Variants in SSUH2 observed in about 807,000 individuals in gnomAD.
The protein encoded by SSUH2 is ssu-2 homolog.
In SSUH2, 47 loss-of-function variants were observed where a neutral mutation model predicts 55.3. The ratio of observed to expected loss-of-function variants is 0.85; its 90% CI spans 0.67 to 1.08. SSUH2 has a LOEUF of 1.08. Ranked by LOEUF, SSUH2 falls within the 50% of genes least tolerant of loss-of-function variation. The pLI is 0.00. For missense variants in SSUH2, 535 were observed against 490.7 expected (o/e 1.09, Z -0.85); for synonymous variants, 212 against 191.5 (o/e 1.11, Z -0.89).
At chr3:8,622,515 C>T (rs1442714741) in intron 11 of SSUH2, among the ~76,000 whole-genome samples, 1 of 152,174 alleles carries the variant, frequency 6.6e-6, no homozygotes, top group African/African-American at 2.4e-5. Flanking sequence ...TCTGGAAACA[C>T]TGGGTCTTGT....
At chr3:8,679,403 C>G (rs1039682104) in intron 2 of SSUH2, among the ~76,000 whole-genome samples, 1 of 128,184 alleles carries the variant, frequency 7.8e-6, no homozygotes, top group African/African-American at 2.7e-5. Context: ...GACTGAGAGC[C>G]AGCCCCTCTT....
chr3:8,623,449 C>T, intron 11 of SSUH2, 100 bp downstream of exon 11: 2 of 788,010 alleles, frequency 2.5e-6, no homozygotes, highest in Non-Finnish European at 4.3e-6. Flanking sequence ...CCTCCCTCAC[C>T]TCTACGTCCT....
At chr3:8,658,128 T>C (rs1311428492) in intron 7 of SSUH2, among the ~76,000 whole-genome samples, 1 of 152,234 alleles carries the variant, frequency 6.6e-6, no homozygotes, top group Non-Finnish European at 1.5e-5. Context: ...CCTCAGCTTC[T>C]ACATCAGAAA....
intron 10 of SSUH2, 119 bp from the exon 11 acceptor site, chr3:8,623,775 C>T: frequency 1.7e-6 from 1 of 591,870 alleles, no homozygotes; most frequent in South Asian, 2.1e-5. Flanking sequence ...GAGAGAGGGA[C>T]CCACGGTGTG....
chr3:8,652,578 C>T (rs976885311), intron 7 of SSUH2, among the ~76,000 whole-genome samples: 4 of 152,176 alleles, frequency 2.6e-5, no homozygotes, highest in African/African-American at 9.7e-5. Flanking sequence ...AAGTGTCTTG[C>T]TTCAAATCTT....
intron 2 of SSUH2, among the ~76,000 whole-genome samples, chr3:8,679,211 G>GT (rs1705751657): frequency 2.0e-5 from 1 of 50,648 alleles, no homozygotes; most frequent in Admixed American, 2.0e-4. Flanking sequence ...CATCGCAGGG[G>GT]GGATGGCACC....
intron 6 of SSUH2, among the ~76,000 whole-genome samples, chr3:8,663,039 A>G (rs928294807): frequency 6.6e-6 from 1 of 152,240 alleles, no homozygotes; most frequent in Non-Finnish European, 1.5e-5. Flanking sequence ...TTGGAAGATC[A>G]CAGTGGCATT....
rs779838788 is a variant in SSUH2, at chr3:8,633,779, C to A, written c.226G>T (p.Glu76Ter). The change falls in exon 4 of 12, where the codon GAG (glutamate) becomes TAG (stop). Residue 76 changes from glutamate (E) to a stop codon, truncating the protein, a stop_gained. Coordinates refer to ENST00000544814, the MANE Select transcript of SSUH2 (RefSeq NM_001256748.3). LOFTEE classifies it high-confidence loss of function. Reference sequence around the variant, plus strand: ...AGGAGGGCTTCCCGGGCCACCTCCTCCGTCATCGCAGGGACTCTGCAGGGG... The same window carrying A: ...AGGAGGGCTTCCCGGGCCACCTCCTACGTCATCGCAGGGACTCTGCAGGGG... The part of the protein sequence containing the change: ...FLEHRVPAMT[E>*]EVAREALLSF... 6.2e-7 allele frequency: 1 copy of A among 1,612,340 alleles called. No homozygotes were observed. Among genetic ancestry groups the A allele is most frequent in the East Asian group, 2.2e-5 (1 of 44,816 alleles).
intron 6 of SSUH2, among the ~76,000 whole-genome samples, chr3:8,660,248 G>A (rs1364087339): frequency 5.3e-5 from 8 of 152,146 alleles, no homozygotes; most frequent in Admixed American, 5.2e-4. Context: ...GAGAGCGCTG[G>A]TTAGAGACCC....
At chr3:8,635,920 AG>A in intron 1 of SSUH2, 63 bp from the exon 2 acceptor site, 1 of 1,402,520 alleles carries the variant, frequency 7.1e-7, no homozygotes, top group Non-Finnish European at 9.6e-7. Context: ...AGGGCTTCAC[AG>A]GAAGTTGAGA....
intron 11 of SSUH2, 59 bp from the exon 12 acceptor site, chr3:8,620,073 C>G: frequency 6.3e-7 from 1 of 1,578,484 alleles, no homozygotes; most frequent in Non-Finnish European, 8.6e-7. Context: ...CTCACCTGCT[C>G]AGGAACTTTC....
chr3:8,665,146 A>G (rs1703876417), intron 5 of SSUH2, among the ~76,000 whole-genome samples: 1 of 152,200 alleles, frequency 6.6e-6, no homozygotes, highest in Admixed American at 6.5e-5. Context: ...GTTGACTGCA[A>G]TTATTTTGGG....
chr3:8,679,444 G>A (rs1266215446), intron 2 of SSUH2, among the ~76,000 whole-genome samples: 1 of 130,502 alleles, frequency 7.7e-6, no homozygotes, highest in East Asian at 2.6e-4. Context: ...CCCCATCACA[G>A]CGGGGGGAGG....
chr3:8,673,880 C>A (rs1704906030), intron 3 of SSUH2, among the ~76,000 whole-genome samples: 1 of 152,200 alleles, frequency 6.6e-6, no homozygotes, highest in Non-Finnish European at 1.5e-5. Context: ...TCTCTGAGGT[C>A]ATTCAGGGAA....
chr3:8,666,787 G>A (rs7625794), intron 5 of SSUH2, among the ~76,000 whole-genome samples: 59,378 of 152,048 alleles, frequency 0.39, 13,517 homozygotes, highest in East Asian at 0.6. Flanking sequence ...GACACCAGTT[G>A]CAAGTCCAGG....
intron 3 of SSUH2, 173 bp from the exon 4 acceptor site, chr3:8,633,968 G>A (rs1305836213): frequency 6.2e-7 from 1 of 1,611,264 alleles, no homozygotes; most frequent in Non-Finnish European, 8.5e-7. Flanking sequence ...GTGAACGGGT[G>A]CCCAGCGTGA....
At chr3:8,670,124 C>G (rs1437822526) in intron 5 of SSUH2, among the ~76,000 whole-genome samples, 1 of 152,078 alleles carries the variant, frequency 6.6e-6, no homozygotes, top group African/African-American at 2.4e-5. Context: ...GGTGAAGACT[C>G]GGAAGAAACC....
intron 1 of SSUH2, 110 bp from the exon 2 acceptor site, chr3:8,635,967 T>A: frequency 1.1e-6 from 1 of 881,450 alleles, no homozygotes; most frequent in Non-Finnish European, 1.7e-6. Flanking sequence ...GCCTCACGTT[T>A]AAGCCAGCCT....
chr3:8,624,421 C>A (rs1697099875), intron 10 of SSUH2, among the ~76,000 whole-genome samples: 1 of 152,156 alleles, frequency 6.6e-6, no homozygotes, highest in South Asian at 2.1e-4. Flanking sequence ...AGGGGGAAAT[C>A]CCTAACTCAA....
Sources: gnomAD v4.1 joint callset for allele counts (sites outside exome capture counted in the v4.1 genomes callset) on GRCh38, gnomAD v4.1.1 for gene constraint, MANE v1.5 for transcripts, NCBI Gene and HGNC (gene_info 2026-07-23, HGNC 2026-07-21) for gene names.